The following GRIA1 variants were observed in gnomAD, a reference collection of about 807,000 sequenced individuals.
GRIA1 encodes the protein glutamate ionotropic receptor AMPA type subunit 1.
A neutral mutation model predicts 99.2 loss-of-function variants in GRIA1; 31 were observed. That is an observed-to-expected ratio of 0.31 (90% CI 0.23 to 0.42). The LOEUF (loss-of-function observed/expected upper bound fraction) is 0.42, where lower values mean the gene tolerates loss of function less well. GRIA1 is among the 10% of genes least tolerant of loss of function. The pLI is 1.00. For synonymous variants in GRIA1, 438 were observed against 432.4 expected, an observed-to-expected ratio of 1.01 and a Z score of -0.16; for missense variants, 782 against 1,157.5, an observed-to-expected ratio of 0.68 and a Z score of 4.71.
At chr5:153,691,941 G>A (rs1054122631) in intron 8 of GRIA1, among the ~76,000 whole-genome samples, 1 of 152,166 alleles carries the variant, frequency 6.6e-6, no homozygotes, top group Non-Finnish European at 1.5e-5. Flanking sequence ...CCTGTTGCCA[G>A]TAAATATACA....
chr5:153,577,322 A>C (rs115681378), intron 2 of GRIA1, among the ~76,000 whole-genome samples: 3,022 of 152,240 alleles, frequency 0.02, 105 homozygotes, highest in African/African-American at 0.068. Context: ...GAAAGCAGGC[A>C]TGCCCTGCAA....
At chr5:153,710,118 A>G (rs1233009756) in intron 11 of GRIA1, among the ~76,000 whole-genome samples, 1 of 152,210 alleles carries the variant, frequency 6.6e-6, no homozygotes, top group African/African-American at 2.4e-5. Flanking sequence ...AGTGAAAGTT[A>G]AAAATCACTT....
At chr5:153,751,411 T>C (rs1019199992) in intron 11 of GRIA1, among the ~76,000 whole-genome samples, 4 of 152,218 alleles carry the variant, frequency 2.6e-5, no homozygotes, top group African/African-American at 7.2e-5. Context: ...GCAGTAGAGA[T>C]TGAGAGCAGG....
At chr5:153,663,383 C>T (rs1755513132) in intron 5 of GRIA1, among the ~76,000 whole-genome samples, 1 of 152,198 alleles carries the variant, frequency 6.6e-6, no homozygotes, top group Non-Finnish European at 1.5e-5. Flanking sequence ...ATTCTTAGGA[C>T]TGGTATTATA....
At chr5:153,753,549 G>T (rs1762627851) in intron 11 of GRIA1, among the ~76,000 whole-genome samples, 2 of 152,034 alleles carry the variant, frequency 1.3e-5, no homozygotes, top group Non-Finnish European at 2.9e-5. Flanking sequence ...TGTGACTCTG[G>T]GCTCGTCATC....
At chr5:153,635,030 C>T (rs1444939605) in intron 2 of GRIA1, among the ~76,000 whole-genome samples, 5 of 152,160 alleles carry the variant, frequency 3.3e-5, no homozygotes, top group African/African-American at 2.4e-5. Context: ...AGGGCACCCT[C>T]GGGCTGTCCT....
intron 2 of GRIA1, among the ~76,000 whole-genome samples, chr5:153,551,373 T>A (rs942352363): frequency 2.2e-4 from 33 of 152,154 alleles, no homozygotes; most frequent in Non-Finnish European, 4.3e-4. Flanking sequence ...TGTTTCTTAA[T>A]GAGCAGGCCT....
At chr5:153,533,867 T>C (rs1203325225) in intron 2 of GRIA1, among the ~76,000 whole-genome samples, 1 of 152,232 alleles carries the variant, frequency 6.6e-6, no homozygotes, top group Non-Finnish European at 1.5e-5. Flanking sequence ...TGAAGTCTAA[T>C]GTCTATTTAG....
In GRIA1 at chr5:153,577,389, T is replaced by C. The variant is rs544189429; in HGVS notation, c.221-69539T>C. The stretch of plus-strand genomic sequence containing the variant: ...CAAATGGAGATAGGGACCAAGATGG[T>C]ATGTTGTAATTTTGTGATATAGAAA... On this transcript the variant is annotated intron_variant, in intron 2 of 15. Transcript: ENST00000285900. Among the ~76,000 whole-genome samples, 11 of 152,272 alleles carry C rather than the reference T, an allele frequency of 7.2e-5. No homozygotes were observed. In the East Asian group the frequency reaches 2.1e-3, roughly 29 times the overall value.
chr5:153,549,505 C>T (rs1437187106), intron 2 of GRIA1, among the ~76,000 whole-genome samples: 1 of 152,010 alleles, frequency 6.6e-6, no homozygotes, highest in African/African-American at 2.4e-5. Flanking sequence ...AAGAAAGGTC[C>T]TCTAGACTTG....
At chr5:153,802,990 CCCCAA>C (rs1766156731) in intron 15 of GRIA1, among the ~76,000 whole-genome samples, 1 of 152,078 alleles carries the variant, frequency 6.6e-6, no homozygotes, top group African/African-American at 2.4e-5. Flanking sequence ...AGTGAGATGA[CCCCAA>C]ACCACATCAA....
At chr5:153,703,696 C>T (rs1049537449) in intron 10 of GRIA1, among the ~76,000 whole-genome samples, 2 of 152,172 alleles carry the variant, frequency 1.3e-5, no homozygotes, top group Admixed American at 1.3e-4. Context: ...CAAGATCACA[C>T]CACTGCACTC....
At chr5:153,577,578 G>A (rs553105554) in intron 2 of GRIA1, among the ~76,000 whole-genome samples, 1 of 152,292 alleles carries the variant, frequency 6.6e-6, no homozygotes, top group African/African-American at 2.4e-5. Context: ...ATTTGAGAGG[G>A]ATCAATGCTT....
At chr5:153,587,711 C>T (rs1449257172) in intron 2 of GRIA1, among the ~76,000 whole-genome samples, 5 of 152,200 alleles carry the variant, frequency 3.3e-5, no homozygotes, top group East Asian at 1.9e-4. Context: ...ATTCAACATA[C>T]GCTGAGTTGT....
intron 11 of GRIA1, among the ~76,000 whole-genome samples, chr5:153,725,182 C>T (rs895960626): frequency 2.6e-5 from 4 of 151,908 alleles, no homozygotes; most frequent in African/African-American, 9.7e-5. Context: ...AAATACTTTA[C>T]AGACAAGCAA....
chr5:153,718,273 A>C (rs549271655), intron 11 of GRIA1, among the ~76,000 whole-genome samples: 1 of 152,348 alleles, frequency 6.6e-6, no homozygotes, highest in East Asian at 1.9e-4. Flanking sequence ...GTTAATAGTC[A>C]ATAGGTAAAG....
intron 11 of GRIA1, among the ~76,000 whole-genome samples, chr5:153,751,138 C>T (rs974570050): frequency 2.0e-5 from 3 of 152,140 alleles, no homozygotes; most frequent in South Asian, 2.1e-4. Flanking sequence ...AGAGATGTAG[C>T]GATTTGCCCA....
At chr5:153,675,053 GA>G (rs1288577710) in intron 6 of GRIA1, among the ~76,000 whole-genome samples, 7 of 150,988 alleles carry the variant, frequency 4.6e-5, no homozygotes, top group Middle Eastern at 3.2e-3. Flanking sequence ...CCAGTAGGAA[GA>G]AAAAAAAACA....
At chr5:153,542,754 A>G (rs1310722536) in intron 2 of GRIA1, among the ~76,000 whole-genome samples, 1 of 152,060 alleles carries the variant, frequency 6.6e-6, no homozygotes, top group Non-Finnish European at 1.5e-5. Flanking sequence ...CTCCTAGAAG[A>G]TTTCCTTAAC....
Sources: allele counts gnomAD v4.1 joint callset (sites outside exome capture counted in the v4.1 genomes callset), GRCh38; gene constraint gnomAD v4.1.1; transcripts MANE v1.5; gene names NCBI Gene and HGNC (gene_info 2026-07-23, HGNC 2026-07-21).